CNGB3: variants seen among roughly 807,000 people sequenced by gnomAD.
CNGB3 encodes cyclic nucleotide gated channel subunit beta 3, also known as cyclic nucleotide-gated channel beta-3.
In CNGB3, 86 loss-of-function variants were observed where a neutral mutation model predicts 92.8. The observed-to-expected ratio is 0.93, with a 90% CI of 0.78 to 1.11. The LOEUF is 1.11. Among genes scored for constraint, CNGB3 ranks in the 50% least tolerant of loss-of-function variants. The pLI, the probability that CNGB3 is intolerant of heterozygous loss-of-function variation, is 0.00. For missense variants in CNGB3, 1,026 were observed against 956.8 expected (o/e 1.07, Z -0.95); for synonymous variants, 333 against 332.7 (o/e 1.00, Z -0.01).
intron 15 of CNGB3, among the ~76,000 whole-genome samples, chr8:86,583,330 G>C (rs1420649653): frequency 1.3e-5 from 2 of 152,164 alleles, no homozygotes; most frequent in African/African-American, 2.4e-5. Flanking sequence ...GGAAGAATTG[G>C]AAACATTCTG....
intron 3 of CNGB3, among the ~76,000 whole-genome samples, chr8:86,718,350 C>A (rs1824903610): frequency 6.6e-6 from 1 of 151,896 alleles, no homozygotes; most frequent in African/African-American, 2.4e-5. Context: ...CTACTGATAC[C>A]ACAGAAATAC....
intron 15 of CNGB3, among the ~76,000 whole-genome samples, chr8:86,602,652 G>A (rs1031926988): frequency 6.6e-6 from 1 of 152,068 alleles, no homozygotes; most frequent in African/African-American, 2.4e-5. Flanking sequence ...GCCTGACAGG[G>A]TACTCTTCTA....
intron 15 of CNGB3, among the ~76,000 whole-genome samples, chr8:86,585,728 T>G (rs978727478): frequency 6.6e-6 from 1 of 152,126 alleles, no homozygotes; most frequent in Non-Finnish European, 1.5e-5. Context: ...AAGGGCTTAG[T>G]AAAGGGGCCA....
intron 17 of CNGB3, 106 bp downstream of exon 17, chr8:86,578,582 TC>T (rs1821701050): frequency 3.7e-6 from 4 of 1,068,756 alleles, no homozygotes; most frequent in Admixed American, 3.4e-5. Context: ...ATTAGATTAG[TC>T]CAAATCATCC....
chr8:86,602,652 G>T (rs1031926988), intron 15 of CNGB3, among the ~76,000 whole-genome samples: 4 of 152,068 alleles, frequency 2.6e-5, no homozygotes, highest in African/African-American at 9.7e-5. Context: ...GCCTGACAGG[G>T]TACTCTTCTA....
intron 8 of CNGB3, 21 bp downstream of exon 8, chr8:86,647,780 A>G (rs770372744): frequency 8.4e-7 from 1 of 1,184,274 alleles, no homozygotes; most frequent in Non-Finnish European, 1.3e-6. Context: ...GGGAAAAGAC[A>G]ATTAAATATA....
At chr8:86,694,613 T>C (rs1056798101) in intron 3 of CNGB3, among the ~76,000 whole-genome samples, 3 of 149,906 alleles carry the variant, frequency 2.0e-5, no homozygotes, top group Non-Finnish European at 4.4e-5. Context: ...GCTCCTCACC[T>C]CCCAGACAGG....
At chr8:86,662,581 C>T (rs984402588) in intron 6 of CNGB3, among the ~76,000 whole-genome samples, 7 of 152,146 alleles carry the variant, frequency 4.6e-5, no homozygotes, top group Admixed American at 1.3e-4. Flanking sequence ...GTGGGTACTG[C>T]GATAGCCAGG....
intron 5 of CNGB3, 140 bp from the exon 6 acceptor site, chr8:86,667,273 A>G (rs537590580): frequency 7.6e-5 from 56 of 732,146 alleles, no homozygotes; most frequent in Non-Finnish European, 1.1e-4. Context: ...ATTCAACACC[A>G]TTCTGCCTCT....
chr8:86,666,546 G>T (rs1164191071), intron 6 of CNGB3, among the ~76,000 whole-genome samples: 1 of 152,114 alleles, frequency 6.6e-6, no homozygotes, highest in African/African-American at 2.4e-5. Context: ...AAAGGATTAA[G>T]GGAAGTATTA....
At chr8:86,585,860 G>C (rs1447296080) in intron 15 of CNGB3, among the ~76,000 whole-genome samples, 1 of 152,194 alleles carries the variant, frequency 6.6e-6, no homozygotes, top group Non-Finnish European at 1.5e-5. Flanking sequence ...AGTTCAGTAA[G>C]AGTAAGTTTA....
intron 6 of CNGB3, chr8:86,660,041 G>A: frequency 9.0e-6 from 3 of 331,622 alleles, no homozygotes; most frequent in Non-Finnish European, 1.2e-5. Context: ...AGTGAGACTG[G>A]CACCAGGGGA....
At chr8:86,594,077 A>G (rs1822113571) in intron 15 of CNGB3, 2 of 327,804 alleles carry the variant, frequency 6.1e-6, no homozygotes, top group Non-Finnish European at 1.2e-5. Context: ...TTTGTGCTGT[A>G]TCCAGGATCC....
At chr8:86,690,917 T>C (rs992050522) in intron 3 of CNGB3, among the ~76,000 whole-genome samples, 24 of 152,338 alleles carry the variant, frequency 1.6e-4, no homozygotes, top group Admixed American at 9.1e-4. Flanking sequence ...CATTGATCTA[T>C]ATCTCTGTTT....
chr8:86,733,193 A>G (rs10956948), intron 2 of CNGB3, among the ~76,000 whole-genome samples: 97,997 of 151,922 alleles, frequency 0.65, 32,856 homozygotes, highest in African/African-American at 0.83. Context: ...AACATGTGGT[A>G]TTTGGCTTTC....
intron 13 of CNGB3, among the ~76,000 whole-genome samples, chr8:86,625,181 A>T (rs973455095): frequency 6.6e-6 from 1 of 152,106 alleles, no homozygotes; most frequent in Non-Finnish European, 1.5e-5. Context: ...AACCTATACA[A>T]CCTGCTTAAC....
intron 11 of CNGB3, 113 bp downstream of exon 11, chr8:86,632,639 T>TC (rs1201509744): frequency 8.9e-7 from 1 of 1,121,502 alleles, no homozygotes; most frequent in African/African-American, 1.6e-5. Flanking sequence ...GAAAGTTAGT[T>TC]CAAAAAAAGA....
chr8:86,629,575 TC>T (rs1822920146), intron 11 of CNGB3, among the ~76,000 whole-genome samples: 1 of 152,218 alleles, frequency 6.6e-6, no homozygotes, highest in African/African-American at 2.4e-5. Context: ...TCATAGATTA[TC>T]CAGTGTGGCT....
intron 3 of CNGB3, among the ~76,000 whole-genome samples, chr8:86,700,954 T>C (rs1648350657): frequency 6.6e-6 from 1 of 152,192 alleles, no homozygotes; most frequent in Non-Finnish European, 1.5e-5. Context: ...AGGAATGTTT[T>C]TGAATCATTC....
Sources: gnomAD v4.1 joint callset for allele counts (sites outside exome capture counted in the v4.1 genomes callset) on GRCh38, gnomAD v4.1.1 for gene constraint, MANE v1.5 for transcripts, NCBI Gene and HGNC (gene_info 2026-07-23, HGNC 2026-07-21) for gene names.